The following DPYSL3 variants were observed in gnomAD, a reference collection of about 807,000 sequenced individuals.
DPYSL3 encodes the protein dihydropyrimidinase like 3.
In DPYSL3, 16 loss-of-function variants were observed where a neutral mutation model predicts 66.1. The observed-to-expected ratio is 0.24, with a 90% confidence interval of 0.16 to 0.37. DPYSL3 has a LOEUF of 0.37. DPYSL3 is among the 10% of genes least tolerant of loss of function. The pLI, the probability that DPYSL3 is intolerant of heterozygous loss-of-function variation, is 1.00. For missense variants in DPYSL3, 738 were observed against 916.2 expected, an observed-to-expected ratio of 0.81 and a Z score of 2.51; for synonymous variants, 338 against 345.1, an observed-to-expected ratio of 0.98 and a Z score of 0.23.
chr5:147,473,357 A>T (rs1453408438), intron 1 of DPYSL3: 1 of 152,164 alleles, frequency 6.6e-6, no homozygotes, highest in Non-Finnish European at 1.5e-5. Flanking sequence ...GAAGAATGAG[A>T]TACATAATCT....
chr5:147,408,602 A>T, intron 7 of DPYSL3, 126 bp downstream of exon 7: 1 of 955,512 alleles, frequency 1.0e-6, no homozygotes, highest in Non-Finnish European at 1.6e-6. Flanking sequence ...CTCCTGAGTT[A>T]GAGTCAATCA....
intron 1 of DPYSL3, among the ~76,000 whole-genome samples, chr5:147,508,725 T>G (rs776791254): frequency 1.4e-4 from 21 of 152,344 alleles, no homozygotes; most frequent in Non-Finnish European, 2.9e-4. Context: ...GCAGGGAATT[T>G]GCATCTCATG....
At chr5:147,426,295 T>G (rs1752196727) in intron 1 of DPYSL3, among the ~76,000 whole-genome samples, 1 of 152,104 alleles carries the variant, frequency 6.6e-6, no homozygotes, top group African/African-American at 2.4e-5. Flanking sequence ...GAGGTAGGAC[T>G]AAGTTTTGTT....
At chr5:147,407,825 G>A (rs1025703029) in intron 7 of DPYSL3, among the ~76,000 whole-genome samples, 5 of 152,104 alleles carry the variant, frequency 3.3e-5, no homozygotes, top group Non-Finnish European at 5.9e-5. Context: ...AGGAGTTTCT[G>A]AGGTGCTGAT....
chr5:147,509,488 G>T lies in DPYSL3; in HGVS notation c.371C>A (p.Pro124His), dbSNP rs1753726864. The T allele has an allele frequency of 6.6e-7, 1 of 1,523,806 alleles. No individual in the cohort carries two copies. Among genetic ancestry groups the T allele is most frequent in the Non-Finnish European group, 8.8e-7 (1 of 1,140,608 alleles). 94.4% of individuals were successfully genotyped at this position (1,523,806 alleles called of 1,614,324 possible). Residue 124 changes from proline to histidine, a missense_variant, in exon 1 of 14, where the codon CCC (proline) becomes CAC (histidine). By Grantham distance (77) the Pro-to-His change is moderately conservative. Transcript: ENST00000343218. This position sits in a 1 kb window ranked among gnomAD's most constrained non-coding sequence, Gnocchi z 5.3. Reference protein sequence around the residue: ...TGKEVLQNLGPKDKSDRLLIK... With the variant: ...TGKEVLQNLGHKDKSDRLLIK... ...CCGGGGCCCCCTTACCTTGTCCTTG[G>T]GGCCGAGGTTCTGCAACACCTCTTT...
chr5:147,412,315 C>G (rs1751870463), intron 6 of DPYSL3, among the ~76,000 whole-genome samples: 1 of 152,228 alleles, frequency 6.6e-6, no homozygotes, highest in African/African-American at 2.4e-5. Flanking sequence ...AGCAAATGCT[C>G]TCCCATTAAA....
chr5:147,430,229 C>T (rs1369925354), intron 1 of DPYSL3, among the ~76,000 whole-genome samples: 1 of 152,020 alleles, frequency 6.6e-6, no homozygotes, highest in Non-Finnish European at 1.5e-5. Context: ...GGTGTGGCGG[C>T]TCACGCCTGT....
intron 2 of DPYSL3, among the ~76,000 whole-genome samples, chr5:147,419,207 G>A (rs970035332): frequency 1.3e-5 from 2 of 152,156 alleles, no homozygotes; most frequent in African/African-American, 4.8e-5. Context: ...AATCACAGCT[G>A]ATGGCAGATT....
rs563824992 is a variant in DPYSL3 at position 147,391,775 on chromosome 5, C to A, written c.*2260G>T. ...ATGGTAAGTGAAGAAAGAGAGGCTT[C>A]CTGAGCTCATGTTGTTCCTCCCAAG... On this transcript the variant is annotated 3_prime_UTR_variant, in exon 14 of 14. Transcript: ENST00000343218. 1.4e-4 allele frequency: 21 copies of A among 152,280 alleles called. No homozygotes were observed. The East Asian group carries it at 3.7e-3, about 27-fold the overall frequency. The allele number at this position is 152,280 out of a possible 1,614,324, so 9.4% of individuals were successfully genotyped here.
intron 1 of DPYSL3, among the ~76,000 whole-genome samples, chr5:147,499,909 T>C (rs1753577366): frequency 6.6e-6 from 1 of 152,204 alleles, no homozygotes. Context: ...CAACTGATTT[T>C]TATGAAGGAG....
chr5:147,497,644 A>G (rs1276636033), intron 1 of DPYSL3, among the ~76,000 whole-genome samples: 1 of 152,102 alleles, frequency 6.6e-6, no homozygotes, highest in East Asian at 1.9e-4. Context: ...AAGAAGAAAA[A>G]TCACATGGTC....
At chr5:147,461,129 G>T (rs1299895244) in intron 1 of DPYSL3, among the ~76,000 whole-genome samples, 2 of 152,152 alleles carry the variant, frequency 1.3e-5, no homozygotes, top group Non-Finnish European at 2.9e-5. Context: ...ACAGAAAAGG[G>T]CTACAAGGGA....
At chr5:147,495,031 A>G (rs1237143191) in intron 1 of DPYSL3, among the ~76,000 whole-genome samples, 5 of 152,154 alleles carry the variant, frequency 3.3e-5, no homozygotes, top group Non-Finnish European at 7.4e-5. Context: ...TGAATAGGTA[A>G]GCCTGTATCT....
intron 1 of DPYSL3, among the ~76,000 whole-genome samples, chr5:147,435,385 T>C (rs73794730): frequency 0.05 from 7,567 of 152,292 alleles, 622 homozygotes; most frequent in African/African-American, 0.17. Flanking sequence ...CTGTCATTCC[T>C]ATTGCATTGA....
At chr5:147,396,045 A>G (rs1302468298) in intron 12 of DPYSL3, among the ~76,000 whole-genome samples, 1 of 152,096 alleles carries the variant, frequency 6.6e-6, no homozygotes, top group African/African-American at 2.4e-5. Flanking sequence ...CAGAGAAGCC[A>G]GCAAAGAGAA....
At chr5:147,428,574 T>A (rs544765283) in intron 1 of DPYSL3, among the ~76,000 whole-genome samples, 3 of 152,132 alleles carry the variant, frequency 2.0e-5, no homozygotes, top group African/African-American at 7.2e-5. Context: ...TGTCTATGAA[T>A]TCATGGATGA....
At chr5:147,433,914 C>T (rs1752364050) in intron 1 of DPYSL3, among the ~76,000 whole-genome samples, 1 of 151,906 alleles carries the variant, frequency 6.6e-6, no homozygotes, top group Non-Finnish European at 1.5e-5. Flanking sequence ...CCTGTAATCC[C>T]AGCTACTCAG....
rs865777610 is a variant in DPYSL3 at position 147,419,003 on chromosome 5, T to C, written c.471-372A>G. On this transcript the variant is annotated intron_variant, in intron 2 of 13. Coordinates refer to ENST00000343218, the MANE Select transcript of DPYSL3 (RefSeq NM_001197294.2). The stretch of plus-strand genomic sequence containing the variant: ...GTGAGAAATAACATTTGGAGAAGAA[T>C]CTAAAGAGTATAAAATAGTGCACTG... 1.8e-4 allele frequency among the ~76,000 whole-genome samples: 27 copies of C among 152,300 alleles called. 4 individuals are homozygous for C. The Middle Eastern group carries it at 0.048, about 269-fold the overall frequency.
intron 1 of DPYSL3, among the ~76,000 whole-genome samples, chr5:147,499,206 T>C (rs72833358): frequency 0.1 from 15,839 of 152,222 alleles, 955 homozygotes; most frequent in Middle Eastern, 0.2. Flanking sequence ...AAACAAACTG[T>C]ATTTCTTTGC....
Sources: gnomAD v4.1 joint callset for allele counts (sites outside exome capture counted in the v4.1 genomes callset) on GRCh38, gnomAD v4.1.1 for gene constraint, Gnocchi (gnomAD v3.1) non-coding constraint, MANE v1.5 for transcripts, NCBI Gene and HGNC (gene_info 2026-07-23, HGNC 2026-07-21) for gene names.